Variants in KCNAB1 observed in about 807,000 individuals in gnomAD.
KCNAB1 encodes potassium voltage-gated channel subfamily A regulatory beta subunit 1.
KCNAB1 carries 35 observed loss-of-function variants against 64.6 expected under a neutral mutation model. That is an observed-to-expected ratio of 0.54 (90% CI 0.41 to 0.72). The LOEUF is 0.72. Ranked by LOEUF, KCNAB1 falls within the 30% of genes least tolerant of loss-of-function variation. The pLI is 0.00. For missense variants in KCNAB1, 401 were observed against 512.9 expected (o/e 0.78, Z 2.11); for synonymous variants, 177 against 183.8 (o/e 0.96, Z 0.30).
intron 1 of KCNAB1, among the ~76,000 whole-genome samples, chr3:156,296,642 G>GT (rs371115437): frequency 2.1e-4 from 32 of 151,850 alleles, no homozygotes; most frequent in African/African-American, 7.7e-4. Flanking sequence ...CCTGGCTAAT[G>GT]TTTTATATTT....
chr3:156,306,386 C>T (rs747700175), intron 1 of KCNAB1, among the ~76,000 whole-genome samples: 7 of 152,106 alleles, frequency 4.6e-5, no homozygotes, highest in Non-Finnish European at 7.4e-5. Flanking sequence ...ACCTTTTCTT[C>T]GAGGTTGCAT....
intron 1 of KCNAB1, among the ~76,000 whole-genome samples, chr3:156,168,844 G>C (rs1218723777): frequency 6.6e-6 from 1 of 152,108 alleles, no homozygotes; most frequent in Non-Finnish European, 1.5e-5. Flanking sequence ...ATAAACAAAA[G>C]TTCTTAGATC....
At chr3:156,445,479 G>A (rs939195781) in intron 2 of KCNAB1, among the ~76,000 whole-genome samples, 2 of 152,160 alleles carry the variant, frequency 1.3e-5, no homozygotes, top group Admixed American at 6.5e-5. Flanking sequence ...GAGGAATCAG[G>A]TCAGCAATAC....
chr3:156,150,069 T>C (rs1364501138), intron 1 of KCNAB1, among the ~76,000 whole-genome samples: 2 of 152,212 alleles, frequency 1.3e-5, no homozygotes, highest in Non-Finnish European at 2.9e-5. Flanking sequence ...GCTTATTTGC[T>C]GTGAGCTCTC....
upstream of KCNAB1, chr3:156,118,485 G>A (rs1449947750): frequency 7.6e-6 from 2 of 262,482 alleles, no homozygotes; most frequent in Non-Finnish European, 1.5e-5. Flanking sequence ...GATTCAAGGG[G>A]CTGAGAAACA....
At chr3:156,391,288 G>A (rs748654320) in intron 1 of KCNAB1, among the ~76,000 whole-genome samples, 4 of 151,934 alleles carry the variant, frequency 2.6e-5, no homozygotes, top group Non-Finnish European at 4.4e-5. Flanking sequence ...TATAAAATAA[G>A]GATAATTATA....
In KCNAB1 at chr3:156,404,606, A is replaced by G. The variant is rs1250297735; in HGVS notation, c.276-17010A>G. Among the ~76,000 whole-genome samples, 4 of 152,224 alleles carry G rather than the reference A, an allele frequency of 2.6e-5. No homozygotes were observed. In the South Asian group the frequency reaches 6.2e-4, roughly 24 times the overall value. On this transcript the variant is annotated intron_variant, in intron 1 of 13. Coordinates refer to ENST00000490337, the MANE Select transcript of KCNAB1 (RefSeq NM_172160.3). ...TTTGTCAGATAAATAGGTTAAGGCAAGCATTAAATGTATGCACATTTTATA... is the reference window on the plus strand; with the variant it reads ...TTTGTCAGATAAATAGGTTAAGGCAGGCATTAAATGTATGCACATTTTATA...
At chr3:156,481,418 GCAA>G (rs1380067572) in intron 8 of KCNAB1, among the ~76,000 whole-genome samples, 1 of 81,758 alleles carries the variant, frequency 1.2e-5, no homozygotes, top group Non-Finnish European at 2.2e-5. Flanking sequence ...CAAGCTTGTT[GCAA>G]AAAAAAAAAA....
chr3:156,372,860 C>T (rs762187752), intron 1 of KCNAB1, among the ~76,000 whole-genome samples: 5 of 152,148 alleles, frequency 3.3e-5, no homozygotes, highest in Non-Finnish European at 4.4e-5. Flanking sequence ...GGAATGCCAC[C>T]GAAACTTTAA....
At chr3:156,428,395 A>G (rs1715969663) in intron 2 of KCNAB1, among the ~76,000 whole-genome samples, 1 of 151,818 alleles carries the variant, frequency 6.6e-6, no homozygotes, top group Non-Finnish European at 1.5e-5. Flanking sequence ...GAACTATACC[A>G]TTAACTCCTT....
intron 1 of KCNAB1, among the ~76,000 whole-genome samples, chr3:156,354,045 ATATG>A (rs1360085058): frequency 1.7e-5 from 2 of 117,324 alleles, no homozygotes; most frequent in Admixed American, 7.7e-5. Context: ...GTGTGTATAT[ATATG>A]TGTGTGTGTG....
Position 156,354,120 on chromosome 3 carries a change from GTATATATATATATATATATATATGTGTA to G in KCNAB1, c.276-67484_276-67457del, listed in dbSNP as rs1174386008. ...AATATATGTATATATATGTGTGTGT[GTATATATATATATATATATATATGTGTA>G]TATATATATATGTATATATTTTTTT... On this transcript the variant is annotated intron_variant, in intron 1 of 13. Coordinates refer to ENST00000490337, the MANE Select transcript of KCNAB1 (RefSeq NM_172160.3). Among the ~76,000 whole-genome samples, 122 of 132,558 alleles carry G rather than the reference GTATATATATATATATATATATATGTGTA, an allele frequency of 9.2e-4. 1 individual carries two copies. The highest frequency in any genetic ancestry group is 1.8e-3 in the Admixed American group (24 of 13,018). The allele number at this position is 132,558 out of a possible 152,430, so 87.0% of individuals were successfully genotyped here.
intron 1 of KCNAB1, among the ~76,000 whole-genome samples, chr3:156,207,447 G>T (rs1257484147): frequency 6.6e-6 from 1 of 152,052 alleles, no homozygotes; most frequent in Non-Finnish European, 1.5e-5. Flanking sequence ...CTCACCCTAG[G>T]TTACTGCAGC....
intron 8 of KCNAB1, among the ~76,000 whole-genome samples, chr3:156,513,073 G>A (rs546821585): frequency 4.6e-5 from 7 of 152,190 alleles, no homozygotes; most frequent in African/African-American, 1.7e-4. Flanking sequence ...TTAGCCGGGT[G>A]TGGTGGCGGG....
intron 1 of KCNAB1, among the ~76,000 whole-genome samples, chr3:156,145,685 G>A (rs956407818): frequency 6.6e-6 from 1 of 152,094 alleles, no homozygotes; most frequent in Non-Finnish European, 1.5e-5. Context: ...GGGCATTGAA[G>A]TTAAACAGAC....
At position 156,508,841 on chromosome 3, in the gene KCNAB1, C is replaced by T. The variant is rs896694688; in HGVS notation, c.659-5523C>T. ...ACGAGAGCTGCCTGTGGCGGGTGAG[C>T]GCTGGGGAGGCATCATTAGGTTAAA... On this transcript the variant is annotated intron_variant, in intron 8 of 13. Transcript: ENST00000490337. The surrounding 1 kb of genome is among the most constrained non-coding windows in gnomAD (Gnocchi z 4.1). Among the ~76,000 whole-genome samples, 2 of 152,034 alleles carry T rather than the reference C, an allele frequency of 1.3e-5. No individual in the cohort carries two copies. Among genetic ancestry groups the T allele is most frequent in the African/African-American group, 2.4e-5 (1 of 41,384 alleles).
chr3:156,280,555 G>A (rs1347425380), intron 1 of KCNAB1, among the ~76,000 whole-genome samples: 3 of 143,938 alleles, frequency 2.1e-5, no homozygotes, highest in Non-Finnish European at 3.1e-5. Flanking sequence ...AAATTACCTT[G>A]GGCAGTATGG....
chr3:156,230,731 G>T (rs1435247048), intron 1 of KCNAB1, among the ~76,000 whole-genome samples: 5 of 152,266 alleles, frequency 3.3e-5, no homozygotes, highest in South Asian at 4.2e-4. Context: ...GCAGGGAGTG[G>T]TTTTTCTTAA....
chr3:156,513,455 C>T (rs1236111957), intron 8 of KCNAB1, among the ~76,000 whole-genome samples: 1 of 152,172 alleles, frequency 6.6e-6, no homozygotes, highest in Non-Finnish European at 1.5e-5. Context: ...AATCCCAAGG[C>T]CTGTGACCCT....
Sources: allele counts gnomAD v4.1 joint callset (sites outside exome capture counted in the v4.1 genomes callset), GRCh38; gene constraint gnomAD v4.1.1; non-coding constraint Gnocchi (gnomAD v3.1); transcripts MANE v1.5; gene names NCBI Gene and HGNC (gene_info 2026-07-23, HGNC 2026-07-21).